SUN3: variants seen among roughly 807,000 people sequenced by gnomAD.
The protein encoded by SUN3 is Sad1 and UNC84 domain containing 3.
A neutral mutation model predicts 48.2 loss-of-function variants in SUN3; 36 were observed. That is an observed-to-expected ratio of 0.75 (90% CI 0.57 to 0.99). The LOEUF is 0.99. SUN3 is among the 50% of genes least tolerant of loss of function. SUN3 has a pLI of 0.00. For missense variants in SUN3, 419 were observed against 433.1 expected (o/e 0.97, Z 0.29); for synonymous variants, 148 against 147.9 (o/e 1.00, Z 0.00).
chr7:48,020,740 T>G (rs1028926389), intron 2 of SUN3, among the ~76,000 whole-genome samples: 1 of 151,328 alleles, frequency 6.6e-6, no homozygotes, highest in African/African-American at 2.4e-5. Flanking sequence ...AAGTGAAAGA[T>G]CTCTACAACG....
chr7:48,005,706 C>G (rs984091909), intron 6 of SUN3, among the ~76,000 whole-genome samples: 1 of 151,810 alleles, frequency 6.6e-6, no homozygotes, highest in Non-Finnish European at 1.5e-5. Context: ...CACAACTTCA[C>G]TGTGGCATCT....
At position 48,007,276 on chromosome 7, in the gene SUN3, G is replaced by C. The variant is rs770141892; in HGVS notation, c.381C>G (p.Ile127Met). 7 of 1,613,738 alleles carry C rather than the reference G, an allele frequency of 4.3e-6. No homozygotes were observed. Among genetic ancestry groups the C allele is most frequent in the African/African-American group, 1.3e-5 (1 of 74,880 alleles). Residue 127 changes from isoleucine to methionine, a missense_variant, in exon 5 of 10, where the codon ATC becomes ATG. Physicochemically the swap from Ile to Met is conservative, Grantham distance 10. Coordinates refer to ENST00000297325, the MANE Select transcript of SUN3 (RefSeq NM_001030019.2). Reference protein sequence around the residue: ...ENNFRQILFLIEQIDVLKALL... With the variant: ...ENNFRQILFLMEQIDVLKALL... ...ATGCCTTCAGGACATCTATTTGTTC[G>C]ATCAAAAATAGAATTTGACGAAAAT...
At chr7:47,988,497 G>A (rs998555997) in intron 9 of SUN3, among the ~76,000 whole-genome samples, 1 of 152,114 alleles carries the variant, frequency 6.6e-6, no homozygotes, top group Non-Finnish European at 1.5e-5. Context: ...ACACTTAATA[G>A]TATTCAGGGA....
upstream of SUN3, among the ~76,000 whole-genome samples, chr7:48,031,255 C>T (rs1420274285): frequency 6.6e-6 from 1 of 152,222 alleles, no homozygotes; most frequent in Non-Finnish European, 1.5e-5. Context: ...AGAAGACATA[C>T]ACATTGCCAA....
chr7:48,029,070 G>T lies in SUN3; in HGVS notation c.-132C>A. The T allele has an allele frequency of 7.6e-7, 1 of 1,313,230 alleles. No homozygotes were observed. The highest frequency in any genetic ancestry group is 1.0e-6 in the Non-Finnish European group (1 of 963,042). The allele number at this position is 1,313,230 out of a possible 1,614,324, so 81.3% of individuals were successfully genotyped here. A position where few individuals can be genotyped will look rare whatever the true frequency, so the allele number is the denominator to read the frequency against. On this transcript the variant is annotated 5_prime_UTR_variant, in exon 1 of 10. Coordinates refer to ENST00000297325, the MANE Select transcript of SUN3 (RefSeq NM_001030019.2). ...TTGTATAATGTCTTCTTCCTCCACG[G>T]GTGTTTCTTCTTGAAGACGGAATTT...
At chr7:48,029,134 G>T, upstream of SUN3, 1 of 734,070 alleles carries the variant, frequency 1.4e-6, no homozygotes, top group Non-Finnish European at 2.1e-6. Context: ...CATCCTCCGT[G>T]ACACCTCATA....
At position 47,987,176 on chromosome 7, in the gene SUN3, G is replaced by T. The variant is rs532528063; in HGVS notation, c.*154C>A. On this transcript the variant is annotated 3_prime_UTR_variant, in exon 10 of 10. Transcript: ENST00000297325. Reference sequence around the variant, plus strand: ...AATTTACTTCCATATTTTTTTATTAGTAAAATGCATTTACTTTTTACAGGC... The same window carrying T: ...AATTTACTTCCATATTTTTTTATTATTAAAATGCATTTACTTTTTACAGGC... The T allele has an allele frequency of 1.4e-4, 85 of 621,108 alleles. No individual in the cohort carries two copies. In the South Asian group the frequency reaches 3.3e-3, roughly 24 times the overall value. 38.5% of individuals were successfully genotyped at this position (621,108 alleles called of 1,614,324 possible).
At chr7:48,023,112 A>G (rs1790045041) in intron 2 of SUN3, among the ~76,000 whole-genome samples, 1 of 152,128 alleles carries the variant, frequency 6.6e-6, no homozygotes, top group East Asian at 1.9e-4. Flanking sequence ...ATATGAAACC[A>G]GTATTATTGT....
chr7:47,995,280 T>C (rs574690153), intron 7 of SUN3, among the ~76,000 whole-genome samples: 2 of 149,676 alleles, frequency 1.3e-5, no homozygotes, highest in Admixed American at 6.6e-5. Flanking sequence ...GCAGTGATGG[T>C]GGTGGCGGTG....
intron 7 of SUN3, 48 bp from the exon 8 acceptor site, chr7:47,994,530 A>G: frequency 6.5e-7 from 1 of 1,535,642 alleles, no homozygotes; most frequent in Non-Finnish European, 8.7e-7. Flanking sequence ...ATGTGAATCC[A>G]TTCCCACAAT....
At chr7:48,033,723 A>G (rs1321036177), upstream of SUN3, among the ~76,000 whole-genome samples, 2 of 152,152 alleles carry the variant, frequency 1.3e-5, no homozygotes, top group African/African-American at 2.4e-5. Context: ...CTCTTTGGTC[A>G]TGACAGCTCC....
intron 3 of SUN3, among the ~76,000 whole-genome samples, chr7:48,010,307 G>C (rs1323523933): frequency 6.6e-6 from 1 of 152,186 alleles, no homozygotes; most frequent in Non-Finnish European, 1.5e-5. Flanking sequence ...GCCAACAACT[G>C]AGTGGACAAG....
intron 6 of SUN3, among the ~76,000 whole-genome samples, chr7:48,001,864 T>C (rs1287316336): frequency 6.6e-6 from 1 of 152,192 alleles, no homozygotes; most frequent in African/African-American, 2.4e-5. Context: ...TTGTGAATAG[T>C]GCTGCAGTGA....
At chr7:48,016,284 A>T (rs930137201) in intron 3 of SUN3, among the ~76,000 whole-genome samples, 1 of 151,794 alleles carries the variant, frequency 6.6e-6, no homozygotes, top group Non-Finnish European at 1.5e-5. Flanking sequence ...ATCTTTAAAA[A>T]CTCTGATCCT....
At chr7:48,021,575 A>C (rs968876346) in intron 2 of SUN3, among the ~76,000 whole-genome samples, 8 of 150,002 alleles carry the variant, frequency 5.3e-5, no homozygotes, top group Non-Finnish European at 7.4e-5. Context: ...AAAAAAAAAA[A>C]CAAACCTAAA....
chr7:48,013,305 C>T (rs1789730097), intron 3 of SUN3, among the ~76,000 whole-genome samples: 1 of 152,160 alleles, frequency 6.6e-6, no homozygotes, highest in Non-Finnish European at 1.5e-5. Flanking sequence ...AATACTCTTA[C>T]TGAAAAGTCA....
At chr7:47,991,629 AAAAC>A (rs1285856665) in intron 8 of SUN3, among the ~76,000 whole-genome samples, 2 of 151,226 alleles carry the variant, frequency 1.3e-5, no homozygotes, top group South Asian at 2.1e-4. Context: ...AACAAACCCC[AAAAC>A]AAACAAACAG....
intron 2 of SUN3, among the ~76,000 whole-genome samples, chr7:48,017,783 A>G (rs1427739750): frequency 1.3e-5 from 2 of 152,184 alleles, no homozygotes; most frequent in Non-Finnish European, 2.9e-5. Flanking sequence ...TACCATGGTA[A>G]TGTTTTTTGA....
chr7:48,029,180 C>T, upstream of SUN3: 4 of 477,296 alleles, frequency 8.4e-6, no homozygotes, highest in Non-Finnish European at 1.5e-5. Flanking sequence ...AGGGCATGGA[C>T]AGGCAACCAC....
Sources: gnomAD v4.1 joint callset for allele counts (sites outside exome capture counted in the v4.1 genomes callset) on GRCh38, gnomAD v4.1.1 for gene constraint, MANE v1.5 for transcripts, NCBI Gene and HGNC (gene_info 2026-07-23, HGNC 2026-07-21) for gene names.